The following WWOX variants were observed in gnomAD, a reference collection of about 807,000 sequenced individuals.
WWOX encodes the protein WW domain-containing oxidoreductase.
Under a neutral mutation model 46.2 loss-of-function variants are expected in WWOX, and 69 were observed. The observed-to-expected ratio is 1.49, with a 90% CI of 1.23 to 1.82. The LOEUF is 1.82. Among genes scored for constraint, WWOX ranks in the 40% most tolerant of loss-of-function variants. WWOX has a pLI of 0.00. For synonymous variants in WWOX, 359 were observed against 202.6 expected (o/e 1.77, Z -6.56); for missense variants, 919 against 542.6 (o/e 1.69, Z -6.89).
intron 5 of WWOX, among the ~76,000 whole-genome samples, chr16:78,384,909 G>A (rs926997431): frequency 1.3e-5 from 2 of 151,994 alleles, no homozygotes; most frequent in African/African-American, 4.8e-5. Context: ...GCCGGGGTGG[G>A]TGGATCACAA....
intron 8 of WWOX, among the ~76,000 whole-genome samples, chr16:78,921,252 C>G (rs1394273333): frequency 1.3e-5 from 2 of 152,122 alleles, no homozygotes; most frequent in African/African-American, 4.8e-5. Context: ...CCGCACTGTG[C>G]CAGAATAGAT....
intron 8 of WWOX, among the ~76,000 whole-genome samples, chr16:78,605,468 AT>A (rs1048652723): frequency 1.9e-4 from 28 of 148,952 alleles, no homozygotes; most frequent in Admixed American, 1.5e-3. Flanking sequence ...ACTCCAGCCT[AT>A]TTTTTTTTTC....
chr16:78,835,086 A>T (rs28587933), intron 8 of WWOX, among the ~76,000 whole-genome samples: 3 of 152,016 alleles, frequency 2.0e-5, no homozygotes, highest in Non-Finnish European at 4.4e-5. Flanking sequence ...TGGAGGAGGA[A>T]GCTCCAAAAA....
chr16:78,138,409 AGC>A (rs1249745422), intron 4 of WWOX, among the ~76,000 whole-genome samples: 3 of 137,042 alleles, frequency 2.2e-5, no homozygotes, highest in Non-Finnish European at 3.3e-5. Flanking sequence ...TGATGTGGTT[AGC>A]TCAGAATAAG....
intron 8 of WWOX, among the ~76,000 whole-genome samples, chr16:78,528,549 G>T (rs1403065371): frequency 3.3e-5 from 5 of 152,096 alleles, no homozygotes; most frequent in African/African-American, 1.2e-4. Flanking sequence ...GTGGTAAGTG[G>T]AGGTAAGAGA....
chr16:78,819,629 C>T (rs7194908), intron 8 of WWOX, among the ~76,000 whole-genome samples: 4,298 of 152,290 alleles, frequency 0.028, 201 homozygotes, highest in African/African-American at 0.097. Flanking sequence ...TCCTGTTGTA[C>T]ACTGTCCCTT....
chr16:78,775,980 A>G (rs747109784), intron 8 of WWOX, among the ~76,000 whole-genome samples: 1 of 152,174 alleles, frequency 6.6e-6, no homozygotes, highest in Non-Finnish European at 1.5e-5. Flanking sequence ...GACACTTACT[A>G]GGTTTCTCAT....
At chr16:78,801,999 G>A (rs1446866508) in intron 8 of WWOX, among the ~76,000 whole-genome samples, 1 of 152,122 alleles carries the variant, frequency 6.6e-6, no homozygotes, top group African/African-American at 2.4e-5. Flanking sequence ...GATGATGTGT[G>A]GAAAGGGCCT....
chr16:78,437,897 T>G (rs2083367770), intron 8 of WWOX, among the ~76,000 whole-genome samples: 1 of 152,236 alleles, frequency 6.6e-6, no homozygotes, highest in South Asian at 2.1e-4. Flanking sequence ...CCTGCACGCA[T>G]TAATGTGTAT....
At chr16:78,356,770 G>A (rs560565162) in intron 5 of WWOX, among the ~76,000 whole-genome samples, 4 of 152,104 alleles carry the variant, frequency 2.6e-5, no homozygotes, top group African/African-American at 4.8e-5. Flanking sequence ...TAATCCCAGC[G>A]ACTCGGGAGG....
chr16:78,913,872 G>T (rs1597142821), intron 8 of WWOX, among the ~76,000 whole-genome samples: 2 of 151,974 alleles, frequency 1.3e-5, no homozygotes, highest in East Asian at 3.9e-4. Context: ...TGTTGTCCAG[G>T]CTGGTCTCAA....
At position 78,262,865 on chromosome 16, in the gene WWOX, A is replaced by G. The variant is rs1383666046; in HGVS notation, c.516+98576A>G. On this transcript the variant is annotated intron_variant, in intron 5 of 8. Coordinates refer to ENST00000566780, the MANE Select transcript of WWOX (RefSeq NM_016373.4). ...CCCTTACTCTGTTGATCATAAAAGT[A>G]GGAGCTGAAATTCTCATAGCCTGAG... 2.6e-5 allele frequency among the ~76,000 whole-genome samples: 4 copies of G among 152,318 alleles called. No individual in the cohort carries two copies. In the South Asian group the frequency reaches 8.3e-4, roughly 32 times the overall value.
chr16:78,865,921 C>T (rs1462442144), intron 8 of WWOX, among the ~76,000 whole-genome samples: 1 of 152,150 alleles, frequency 6.6e-6, no homozygotes, highest in Non-Finnish European at 1.5e-5. Flanking sequence ...GATAGTTACT[C>T]AACAAATCAT....
At chr16:79,126,621 C>A (rs1286137619) in intron 8 of WWOX, among the ~76,000 whole-genome samples, 2 of 152,138 alleles carry the variant, frequency 1.3e-5, no homozygotes, top group Non-Finnish European at 2.9e-5. Context: ...AACCTCTTTC[C>A]TTTATAAACT....
At chr16:78,867,644 G>C (rs2044034797) in intron 8 of WWOX, among the ~76,000 whole-genome samples, 2 of 152,042 alleles carry the variant, frequency 1.3e-5, no homozygotes, top group South Asian at 4.2e-4. Flanking sequence ...AGGTTCAAGA[G>C]AGTCTCCCAC....
At chr16:78,307,182 T>C (rs2080150387) in intron 5 of WWOX, among the ~76,000 whole-genome samples, 1 of 152,194 alleles carries the variant, frequency 6.6e-6, no homozygotes, top group Non-Finnish European at 1.5e-5. Flanking sequence ...ATTTTTTTTA[T>C]GAAGTAAGTA....
intron 8 of WWOX, among the ~76,000 whole-genome samples, chr16:79,050,864 A>T (rs987251604): frequency 1.3e-5 from 2 of 152,216 alleles, no homozygotes; most frequent in East Asian, 3.9e-4. Context: ...GAGCTTTACC[A>T]GGTGAGCTGA....
At chr16:78,895,347 A>T (rs2044678267) in intron 8 of WWOX, 1 of 152,106 alleles carries the variant, frequency 6.6e-6, no homozygotes, top group African/African-American at 2.4e-5. Flanking sequence ...TTCCTTTCTC[A>T]TTCCCAGTAC....
At chr16:78,314,891 C>A (rs1380434871) in intron 5 of WWOX, among the ~76,000 whole-genome samples, 1 of 151,832 alleles carries the variant, frequency 6.6e-6, no homozygotes, top group East Asian at 1.9e-4. Flanking sequence ...CTCAGTTTTT[C>A]CAGCAACCTT....
Sources: gnomAD v4.1 joint callset for allele counts (sites outside exome capture counted in the v4.1 genomes callset) on GRCh38, gnomAD v4.1.1 for gene constraint, MANE v1.5 for transcripts, NCBI Gene and HGNC (gene_info 2026-07-23, HGNC 2026-07-21) for gene names.